Variants in DPP10 observed in about 807,000 individuals in gnomAD.
DPP10 encodes the protein inactive dipeptidyl peptidase 10.
A neutral mutation model predicts 120.9 loss-of-function variants in DPP10; 33 were observed. The ratio of observed to expected loss-of-function variants is 0.27; its 90% CI spans 0.21 to 0.37. The LOEUF (loss-of-function observed/expected upper bound fraction) is 0.37, where lower values mean the gene tolerates loss of function less well. Ranked by LOEUF, DPP10 falls within the 10% of genes least tolerant of loss-of-function variation. The pLI is 1.00. For synonymous variants in DPP10, 337 were observed against 326.1 expected (o/e 1.03, Z -0.36); for missense variants, 816 against 942.8 (o/e 0.87, Z 1.76).
intron 1 of DPP10, among the ~76,000 whole-genome samples, chr2:114,593,838 T>C (rs17048494): frequency 0.15 from 23,199 of 151,964 alleles, 2,228 homozygotes; most frequent in African/African-American, 0.27. Context: ...CCTTACTTTA[T>C]AGCATGCCCA....
At chr2:115,816,162 T>G (rs1322535604) in intron 21 of DPP10, among the ~76,000 whole-genome samples, 1 of 152,110 alleles carries the variant, frequency 6.6e-6, no homozygotes, top group African/African-American at 2.4e-5. Flanking sequence ...TTCATGAAGC[T>G]TGTGTTCCAG....
Position 115,318,683 on chromosome 2 carries a change from G to T in DPP10, c.175+9330G>T, listed in dbSNP as rs1426115188. ...TTAGTTTATTCTTCTTTATGATACT[G>T]TAAATAGAACCTTAATATTCTTTTC... is the stretch of plus-strand genomic sequence containing the variant. On this transcript the variant is annotated intron_variant, in intron 2 of 25. Coordinates refer to ENST00000410059, the MANE Select transcript of DPP10 (RefSeq NM_020868.6). Among the ~76,000 whole-genome samples the T allele has an allele frequency of 2.0e-5, 3 of 152,140 alleles. No homozygotes were observed. The East Asian group carries it at 5.8e-4, about 29-fold the overall frequency.
intron 1 of DPP10, among the ~76,000 whole-genome samples, chr2:114,873,614 G>A (rs1413207903): frequency 2.0e-5 from 3 of 152,084 alleles, no homozygotes; most frequent in Non-Finnish European, 4.4e-5. Context: ...GGGTCAAAGA[G>A]GTTGCTTCTG....
intron 19 of DPP10, among the ~76,000 whole-genome samples, chr2:115,809,331 C>T (rs906748261): frequency 6.6e-6 from 1 of 152,188 alleles, no homozygotes; most frequent in Non-Finnish European, 1.5e-5. Flanking sequence ...ACTAAATCAT[C>T]ATGGATTATA....
chr2:115,643,728 C>G (rs1317322596), intron 5 of DPP10, among the ~76,000 whole-genome samples: 1 of 152,174 alleles, frequency 6.6e-6, no homozygotes, highest in East Asian at 1.9e-4. Context: ...TTGGTCTGTT[C>G]CCATGAAATT....
intron 1 of DPP10, among the ~76,000 whole-genome samples, chr2:114,948,044 C>T (rs1033969026): frequency 6.6e-6 from 1 of 151,716 alleles, no homozygotes; most frequent in Admixed American, 6.6e-5. Context: ...ATATTTTTCC[C>T]TCCTGGACTA....
At chr2:114,822,882 C>T (rs1267716338) in intron 1 of DPP10, among the ~76,000 whole-genome samples, 1 of 152,176 alleles carries the variant, frequency 6.6e-6, no homozygotes, top group Admixed American at 6.5e-5. Context: ...TCTGAGACCA[C>T]CTCAGCCTGG....
intron 17 of DPP10, 42 bp downstream of exon 17, chr2:115,782,441 A>G (rs765780804): frequency 6.4e-7 from 1 of 1,556,530 alleles, no homozygotes; most frequent in Non-Finnish European, 8.9e-7. Context: ...TATGGTTGGC[A>G]TTAGTCTTAG....
At chr2:115,121,514 G>C (rs967844964) in intron 1 of DPP10, among the ~76,000 whole-genome samples, 21 of 152,178 alleles carry the variant, frequency 1.4e-4, no homozygotes, top group African/African-American at 4.6e-4. Flanking sequence ...GGCCTTTATT[G>C]GATTGGAGCC....
intron 1 of DPP10, among the ~76,000 whole-genome samples, chr2:114,500,072 G>A (rs1683025385): frequency 1.3e-5 from 2 of 152,186 alleles, no homozygotes; most frequent in South Asian, 4.1e-4. Flanking sequence ...GTGTTTCAGA[G>A]GTATTTTCTC....
At chr2:115,547,877 T>C (rs534917011) in intron 5 of DPP10, among the ~76,000 whole-genome samples, 1 of 152,234 alleles carries the variant, frequency 6.6e-6, no homozygotes, top group East Asian at 1.9e-4. Flanking sequence ...CAGTCTTAAG[T>C]AGAGTTGGCA....
intron 8 of DPP10, among the ~76,000 whole-genome samples, chr2:115,735,173 C>T (rs531540094): frequency 5.9e-4 from 90 of 152,230 alleles, no homozygotes; most frequent in Middle Eastern, 3.4e-3. Context: ...AGTCAAAGAA[C>T]ATAAGAATAT....
chr2:115,423,353 A>G (rs966259407), intron 3 of DPP10, among the ~76,000 whole-genome samples: 3 of 152,156 alleles, frequency 2.0e-5, no homozygotes, highest in African/African-American at 7.2e-5. Context: ...TGTATGGTAC[A>G]TATTCTTATT....
intron 16 of DPP10, 120 bp from the exon 17 acceptor site, chr2:115,782,232 T>C: frequency 2.7e-6 from 2 of 744,896 alleles, no homozygotes; most frequent in Non-Finnish European, 4.4e-6. Flanking sequence ...GGTTTCTGTT[T>C]TGTTATGTTT....
At chr2:114,623,964 C>T (rs1314433175) in intron 1 of DPP10, among the ~76,000 whole-genome samples, 1 of 151,934 alleles carries the variant, frequency 6.6e-6, no homozygotes, top group Non-Finnish European at 1.5e-5. Context: ...CCTCGTCTGT[C>T]ATATAGGAAT....
intron 1 of DPP10, among the ~76,000 whole-genome samples, chr2:115,146,531 A>G (rs58542755): frequency 0.025 from 3,801 of 151,994 alleles, 126 homozygotes; most frequent in East Asian, 0.16. Flanking sequence ...CTAATTAAGG[A>G]TGCTATAAAA....
At chr2:115,329,883 G>C (rs2062604781) in intron 2 of DPP10, among the ~76,000 whole-genome samples, 1 of 152,122 alleles carries the variant, frequency 6.6e-6, no homozygotes, top group African/African-American at 2.4e-5. Context: ...TGTGAATAGT[G>C]CTGCAGTAAA....
chr2:115,140,765 GTTTTCTGATCCACATAAT>G (rs917545572), intron 1 of DPP10, among the ~76,000 whole-genome samples: 1 of 152,080 alleles, frequency 6.6e-6, no homozygotes, highest in Non-Finnish European at 1.5e-5. Flanking sequence ...ATGACGCCAA[GTTTTCTGATCCACATAAT>G]TAAAAGGATG....
intron 1 of DPP10, among the ~76,000 whole-genome samples, chr2:115,246,909 G>A (rs2058561716): frequency 6.6e-6 from 1 of 152,136 alleles, no homozygotes; most frequent in Admixed American, 6.6e-5. Context: ...TCTGCTCAGT[G>A]AGTGAGGGTG....
Sources: allele counts gnomAD v4.1 joint callset (sites outside exome capture counted in the v4.1 genomes callset), GRCh38; gene constraint gnomAD v4.1.1; transcripts MANE v1.5; gene names NCBI Gene and HGNC (gene_info 2026-07-23, HGNC 2026-07-21).